Variants in CDH13 observed in about 807,000 individuals in gnomAD.
The protein encoded by CDH13 is cadherin 13.
In CDH13, 24 loss-of-function variants were observed where a neutral mutation model predicts 63.8. The observed-to-expected ratio is 0.38, with a 90% CI of 0.27 to 0.53. CDH13 has a LOEUF of 0.53. CDH13 is among the 20% of genes least tolerant of loss of function. The probability of loss-of-function intolerance (pLI) is 0.85; values close to 1 mark genes in which losing one functional copy is unlikely to be tolerated. For missense variants in CDH13, 1,049 were observed against 903.1 expected (o/e 1.16, Z -2.07); for synonymous variants, 503 against 355.3 (o/e 1.42, Z -4.67).
At chr16:82,828,630 A>G (rs1175285335) in intron 1 of CDH13, among the ~76,000 whole-genome samples, 1 of 144,994 alleles carries the variant, frequency 6.9e-6, no homozygotes, top group Non-Finnish European at 1.5e-5. Flanking sequence ...TAAAATAAAA[A>G]TAAAAATAGA....
At chr16:83,693,465 A>C (rs1905089062) in intron 10 of CDH13, among the ~76,000 whole-genome samples, 1 of 152,158 alleles carries the variant, frequency 6.6e-6, no homozygotes, top group South Asian at 2.1e-4. Context: ...CTTGTGGATT[A>C]GTTTATTTTT....
chr16:83,725,076 G>T (rs1028645633), intron 10 of CDH13, among the ~76,000 whole-genome samples: 1 of 152,194 alleles, frequency 6.6e-6, no homozygotes, highest in Non-Finnish European at 1.5e-5. Flanking sequence ...GACCCTTTTA[G>T]TATAAAAGCT....
At chr16:83,740,305 G>A (rs1223025409) in intron 10 of CDH13, among the ~76,000 whole-genome samples, 1 of 151,920 alleles carries the variant, frequency 6.6e-6, no homozygotes, top group Non-Finnish European at 1.5e-5. Context: ...TTCACACTCT[G>A]TGATTTAACA....
chr16:83,784,360 G>C (rs950077618), intron 13 of CDH13, among the ~76,000 whole-genome samples: 1 of 152,090 alleles, frequency 6.6e-6, no homozygotes, highest in Non-Finnish European at 1.5e-5. Context: ...GGCCAGGCAC[G>C]GTGGCTCACA....
At chr16:82,958,817 C>T (rs759938634) in intron 2 of CDH13, among the ~76,000 whole-genome samples, 3 of 152,234 alleles carry the variant, frequency 2.0e-5, no homozygotes, top group Non-Finnish European at 4.4e-5. Flanking sequence ...GATGCACGCC[C>T]TGCCCAAAGG....
chr16:83,773,044 G>C (rs1218072074), intron 11 of CDH13: 4 of 152,196 alleles, frequency 2.6e-5, no homozygotes, highest in Non-Finnish European at 5.9e-5. Context: ...CATGTGATTA[G>C]GCATCTGTGT....
intron 7 of CDH13, among the ~76,000 whole-genome samples, chr16:83,510,252 G>A (rs2074526065): frequency 6.6e-6 from 1 of 152,176 alleles, no homozygotes; most frequent in Non-Finnish European, 1.5e-5. Flanking sequence ...TTGGATGTGT[G>A]TAATTTTTTT....
intron 4 of CDH13, among the ~76,000 whole-genome samples, chr16:83,154,119 A>G (rs1471082811): frequency 6.6e-6 from 1 of 152,086 alleles, no homozygotes; most frequent in Non-Finnish European, 1.5e-5. Flanking sequence ...TGTTCCATTG[A>G]GAAATGGGAG....
At chr16:83,477,640 A>G (rs994829513) in intron 6 of CDH13, among the ~76,000 whole-genome samples, 1 of 152,188 alleles carries the variant, frequency 6.6e-6, no homozygotes, top group African/African-American at 2.4e-5. Flanking sequence ...GGGAGGAGGA[A>G]GGGCAAAATG....
intron 5 of CDH13, among the ~76,000 whole-genome samples, chr16:83,267,759 G>T (rs1393265693): frequency 1.3e-5 from 2 of 152,156 alleles, no homozygotes; most frequent in Non-Finnish European, 2.9e-5. Context: ...CCAGGACCAT[G>T]AGCCAAATAA....
intron 1 of CDH13, among the ~76,000 whole-genome samples, chr16:82,722,626 C>G (rs562990159): frequency 8.3e-4 from 127 of 152,228 alleles, no homozygotes; most frequent in African/African-American, 2.9e-3. Flanking sequence ...TTCCCAAAGA[C>G]CCACTAGGAC....
At chr16:83,458,344 A>C (rs183959419) in intron 6 of CDH13, among the ~76,000 whole-genome samples, 129 of 152,306 alleles carry the variant, frequency 8.5e-4, no homozygotes, top group Non-Finnish European at 1.4e-3. Flanking sequence ...CACAGAAATG[A>C]CTACATTAAA....
rs759654938 is a variant in CDH13, at chr16:83,534,409, G to A, written c.960+47754G>A. On this transcript the variant is annotated intron_variant, in intron 7 of 13. Coordinates refer to ENST00000567109, the MANE Select transcript of CDH13 (RefSeq NM_001257.5). ...GCTGGCAGTGCATTTTCATGGGGCC[G>A]TTACAAGCATTAAATAACCTTCTTC... 3.9e-4 allele frequency among the ~76,000 whole-genome samples: 59 copies of A among 152,158 alleles called. 1 individual carries two copies. Among genetic ancestry groups the A allele is most frequent in the Non-Finnish European group, 7.6e-4 (52 of 68,028 alleles).
intron 5 of CDH13, among the ~76,000 whole-genome samples, chr16:83,265,500 C>G (rs527889922): frequency 6.6e-6 from 1 of 152,082 alleles, no homozygotes; most frequent in Non-Finnish European, 1.5e-5. Flanking sequence ...AAAAATACTT[C>G]GTACATTTCT....
intron 3 of CDH13, among the ~76,000 whole-genome samples, chr16:83,038,339 C>G (rs1219832230): frequency 6.6e-6 from 1 of 152,182 alleles, no homozygotes; most frequent in African/African-American, 2.4e-5. Context: ...TATAGACTCA[C>G]AAGCTATTTC....
At chr16:82,823,231 T>A (rs998514223) in intron 1 of CDH13, 16 of 152,140 alleles carry the variant, frequency 1.1e-4, no homozygotes, top group African/African-American at 3.6e-4. Context: ...CCCACCCAGG[T>A]TCAAGAAAAG....
At position 83,530,607 on chromosome 16, in the gene CDH13, C is replaced by A. The variant is rs566405334; in HGVS notation, c.960+43952C>A. The stretch of plus-strand genomic sequence containing the variant: ...CACCCAGGCTTTCACATCAACCACG[C>A]ACCAACCATCACAGCAGCTGTTTTC... On this transcript the variant is annotated intron_variant, in intron 7 of 13. Transcript: ENST00000567109. Among the ~76,000 whole-genome samples, 18 of 152,328 alleles carry A rather than the reference C, an allele frequency of 1.2e-4. 1 individual carries two copies. In the South Asian group the frequency reaches 3.7e-3, roughly 32 times the overall value.
chr16:83,345,028 T>G (rs2090809212), intron 6 of CDH13, 22 bp downstream of exon 6: 3 of 1,611,094 alleles, frequency 1.9e-6, no homozygotes, highest in African/African-American at 1.3e-5. Flanking sequence ...TGGCTTACCT[T>G]TAGCGTAATG....
intron 1 of CDH13, among the ~76,000 whole-genome samples, chr16:82,805,173 G>A (rs977743419): frequency 6.6e-6 from 1 of 152,132 alleles, no homozygotes; most frequent in African/African-American, 2.4e-5. Flanking sequence ...AGGTCCATGT[G>A]TCCTTCTCTC....
Sources: gnomAD v4.1 joint callset for allele counts (sites outside exome capture counted in the v4.1 genomes callset) on GRCh38, gnomAD v4.1.1 for gene constraint, MANE v1.5 for transcripts, NCBI Gene and HGNC (gene_info 2026-07-23, HGNC 2026-07-21) for gene names.